PRPSAP1: variants seen among roughly 807,000 people sequenced by gnomAD.
PRPSAP1 encodes phosphoribosyl pyrophosphate synthetase associated protein 1.
A neutral mutation model predicts 39.4 loss-of-function variants in PRPSAP1; 31 were observed. That is an observed-to-expected ratio of 0.79 (90% confidence interval 0.59 to 1.06). The LOEUF (loss-of-function observed/expected upper bound fraction) is 1.06. Among genes scored for constraint, PRPSAP1 ranks in the 50% least tolerant of loss-of-function variants. The probability of loss-of-function intolerance (pLI) is 0.00; values close to 1 mark genes in which losing one functional copy is unlikely to be tolerated. For synonymous variants in PRPSAP1, 212 were observed against 192.6 expected (o/e 1.10, Z -0.83); for missense variants, 430 against 511.6 (o/e 0.84, Z 1.54).
At chr17:76,353,937 G>A, upstream of PRPSAP1, 1 of 1,319,256 alleles carries the variant, frequency 7.6e-7, no homozygotes, top group Non-Finnish European at 9.6e-7. Context: ...CCCCCTCCGG[G>A]CATCCGAAGA....
intron 7 of PRPSAP1, among the ~76,000 whole-genome samples, chr17:76,328,469 C>T (rs1324236568): frequency 2.6e-5 from 4 of 151,884 alleles, no homozygotes; most frequent in South Asian, 4.2e-4. Flanking sequence ...ATTAGCTGGG[C>T]GTGGTGGCAC....
chr17:76,353,919 G>A (rs1224127527), upstream of PRPSAP1: 19 of 1,324,260 alleles, frequency 1.4e-5, no homozygotes, highest in Non-Finnish European at 1.7e-5. Flanking sequence ...CCAGAGGCAA[G>A]GCCACCGCCC....
chr17:76,313,736 C>G, intron 8 of PRPSAP1, 85 bp downstream of exon 8: 2 of 1,434,972 alleles, frequency 1.4e-6, no homozygotes, highest in Non-Finnish European at 2.0e-6. Context: ...GATCATCGTT[C>G]CTAGAAATAC....
In PRPSAP1 at chr17:76,327,211, G is replaced by T. The variant is rs1479835901; in HGVS notation, c.781+1506C>A. ...AAAAATACAAAAATTAGCTGGGTGT[G>T]GTGGTGTGTGCCTGAAGTCACAGCT... On this transcript the variant is annotated intron_variant, in intron 7 of 9. Transcript: ENST00000446526. Among the ~76,000 whole-genome samples the T allele has an allele frequency of 4.6e-5, 7 of 152,098 alleles. No individual in the cohort carries two copies. In the East Asian group the frequency reaches 1.4e-3, roughly 29 times the overall value.
intron 5 of PRPSAP1, 151 bp downstream of exon 5, chr17:76,330,390 TGATCGTCCAC>T: frequency 1.6e-6 from 1 of 632,296 alleles, no homozygotes; most frequent in East Asian, 2.8e-5. Flanking sequence ...TTTAAAGCTA[TGATCGTCCAC>T]GACTAAAGCT....
intron 2 of PRPSAP1, among the ~76,000 whole-genome samples, chr17:76,347,794 G>T (rs1212473084): frequency 6.6e-6 from 1 of 152,064 alleles, no homozygotes; most frequent in East Asian, 1.9e-4. Flanking sequence ...GCAGCAAACG[G>T]CAGGCTGGAC....
intron 1 of PRPSAP1, among the ~76,000 whole-genome samples, chr17:76,352,644 CAAAAAAAAAAAA>C (rs55986677): frequency 7.5e-5 from 4 of 53,588 alleles, no homozygotes; most frequent in Non-Finnish European, 1.2e-4. Context: ...GACTCCGTCT[CAAAAAAAAAAAA>C]AAAAAAAAAA....
chr17:76,351,640 T>C (rs2071574197), intron 1 of PRPSAP1, among the ~76,000 whole-genome samples: 1 of 152,170 alleles, frequency 6.6e-6, no homozygotes, highest in Non-Finnish European at 1.5e-5. Flanking sequence ...TAAGCCGAGA[T>C]GGCACCACTG....
chr17:76,338,310 G>A (rs999955125), intron 3 of PRPSAP1, among the ~76,000 whole-genome samples: 2 of 152,134 alleles, frequency 1.3e-5, no homozygotes, highest in Non-Finnish European at 1.5e-5. Flanking sequence ...TGGTCTGTTT[G>A]CCTAAAATTA....
At chr17:76,345,908 G>T in intron 2 of PRPSAP1, 2 of 432,058 alleles carry the variant, frequency 4.6e-6, no homozygotes, top group Non-Finnish European at 9.0e-6. Context: ...CCACAGAGAA[G>T]ATCTGTGAGG....
chr17:76,329,014 G>A (rs1045847697), intron 6 of PRPSAP1, 152 bp from the exon 7 acceptor site: 2 of 875,124 alleles, frequency 2.3e-6, no homozygotes, highest in Non-Finnish European at 3.3e-6. Context: ...GCCCAGGCCA[G>A]CATGTAAATG....
chr17:76,321,748 G>A (rs1256719466), intron 7 of PRPSAP1, among the ~76,000 whole-genome samples: 2 of 152,136 alleles, frequency 1.3e-5, no homozygotes, highest in Non-Finnish European at 2.9e-5. Flanking sequence ...AGCTTAGTGT[G>A]TCAAAAGCCA....
chr17:76,353,829 G>T lies in PRPSAP1; in HGVS notation c.-126C>A, dbSNP rs115365276. 2.1e-3 allele frequency: 2,949 copies of T among 1,382,646 alleles called. 49 individuals carry two copies. The African/African-American group carries it at 0.04, about 19-fold the overall frequency. 85.6% of individuals were successfully genotyped at this position (1,382,646 alleles called of 1,614,324 possible). ...ACTCGGCGCAAGCGGGGAGAGCTCC[G>T]AGGTCCGTGCCCTTGCGCACCCCAC... On this transcript the variant is annotated 5_prime_UTR_variant, in exon 1 of 10. Transcript: ENST00000446526.
At chr17:76,347,790 A>G (rs2071526499) in intron 2 of PRPSAP1, among the ~76,000 whole-genome samples, 1 of 152,064 alleles carries the variant, frequency 6.6e-6, no homozygotes, top group Non-Finnish European at 1.5e-5. Context: ...GCAAGCAGCA[A>G]ACGGCAGGCT....
rs373196418 is a variant in PRPSAP1 at position 76,325,766 on chromosome 17, G to T, written c.781+2951C>A. Among the ~76,000 whole-genome samples the T allele has an allele frequency of 1.0e-3, 155 of 151,706 alleles. 1 individual carries two copies. The highest frequency in any genetic ancestry group is 0.01 in the Middle Eastern group (3 of 294). The stretch of plus-strand genomic sequence containing the variant: ...ACTACAGGCGCCCGCCACTACGCCC[G>T]GCTAATTTTTTGCATTTTTTTAGTA... On this transcript the variant is annotated intron_variant, in intron 7 of 9. Transcript: ENST00000446526.
intron 1 of PRPSAP1, chr17:76,353,263 G>A (rs1441942754): frequency 4.5e-6 from 2 of 444,908 alleles, no homozygotes; most frequent in Non-Finnish European, 8.0e-6. Context: ...CCCGGGGTGT[G>A]GGACTGCGGA....
At chr17:76,330,692 A>G (rs747941837) in intron 4 of PRPSAP1, 26 bp from the exon 5 acceptor site, 19 of 1,494,270 alleles carry the variant, frequency 1.3e-5, no homozygotes, top group Non-Finnish European at 1.7e-5. Context: ...AAAAAATTAC[A>G]AAGTTCACCC....
intron 1 of PRPSAP1, among the ~76,000 whole-genome samples, chr17:76,350,295 C>A (rs964260101): frequency 6.6e-6 from 1 of 151,724 alleles, no homozygotes; most frequent in South Asian, 2.1e-4. Context: ...AAAAATTAGC[C>A]GGGCGTGGTG....
chr17:76,326,643 A>G (rs2071258826), intron 7 of PRPSAP1, among the ~76,000 whole-genome samples: 1 of 152,250 alleles, frequency 6.6e-6, no homozygotes, highest in African/African-American at 2.4e-5. Context: ...TAAAGCAGCC[A>G]CTCCAGATTA....
Sources: gnomAD v4.1 joint callset for allele counts (sites outside exome capture counted in the v4.1 genomes callset) on GRCh38, gnomAD v4.1.1 for gene constraint, MANE v1.5 for transcripts, NCBI Gene and HGNC (gene_info 2026-07-23, HGNC 2026-07-21) for gene names.